Variants in PIK3C2G observed in about 807,000 individuals in gnomAD.
The protein encoded by PIK3C2G is phosphatidylinositol-4-phosphate 3-kinase catalytic subunit type 2 gamma.
In PIK3C2G, 168 loss-of-function variants were observed where a neutral mutation model predicts 181.1. The observed-to-expected ratio is 0.93, with a 90% CI of 0.82 to 1.05. The LOEUF (loss-of-function observed/expected upper bound fraction) is 1.05, where lower values mean the gene tolerates loss of function less well. PIK3C2G is among the 50% of genes least tolerant of loss of function. PIK3C2G has a pLI of 0.00. For missense variants in PIK3C2G, 1,869 were observed against 1,732.8 expected, an observed-to-expected ratio of 1.08 and a Z score of -1.40; for synonymous variants, 573 against 592.2, an observed-to-expected ratio of 0.97 and a Z score of 0.47.
chr12:18,480,234 G>A (rs773822805), intron 18 of PIK3C2G, among the ~76,000 whole-genome samples: 3 of 152,066 alleles, frequency 2.0e-5, no homozygotes, highest in Admixed American at 6.6e-5. Flanking sequence ...AAGCATATAC[G>A]GAGTGTAGTG....
chr12:18,677,084 G>T, the PIK3C2G span, among the ~76,000 whole-genome samples: 1 of 152,222 alleles, frequency 6.6e-6, no homozygotes, highest in African/African-American at 2.4e-5. Flanking sequence ...TACCAGGGAA[G>T]AAAGCTCTGT....
chr12:18,436,429 T>C (rs1000113056), intron 18 of PIK3C2G, among the ~76,000 whole-genome samples: 2 of 152,078 alleles, frequency 1.3e-5, no homozygotes, highest in South Asian at 2.1e-4. Context: ...CATCTTCCTC[T>C]AAGGTTTTTG....
At chr12:18,403,372 C>T (rs1020125094) in intron 16 of PIK3C2G, among the ~76,000 whole-genome samples, 1 of 152,158 alleles carries the variant, frequency 6.6e-6, no homozygotes, top group African/African-American at 2.4e-5. Flanking sequence ...TACTCATCCT[C>T]TGACTCCCAC....
At chr12:18,655,728 C>T in the PIK3C2G span, among the ~76,000 whole-genome samples, 1 of 139,438 alleles carries the variant, frequency 7.2e-6, no homozygotes, top group South Asian at 2.4e-4. Flanking sequence ...CTCCCAAAAA[C>T]TCACAGCCCC....
intron 18 of PIK3C2G, among the ~76,000 whole-genome samples, chr12:18,443,937 C>A (rs116421823): frequency 6.6e-6 from 1 of 152,150 alleles, no homozygotes; most frequent in Admixed American, 6.5e-5. Context: ...TCAACATTCC[C>A]AATTCATAAA....
At position 18,319,084 on chromosome 12, in the gene PIK3C2G, C is replaced by CAA. The variant is rs34473620; in HGVS notation, c.1138-1870_1138-1869dup. 1.2e-4 allele frequency among the ~76,000 whole-genome samples: 18 copies of CAA among 148,630 alleles called. No homozygotes were observed. In the East Asian group the frequency reaches 2.2e-3, roughly 18 times the overall value. ...TGAGCGACAGAGCAAGACTCTGTCT[C>CAA]AAAAAAAAATAAATAAATAATAAAA... On this transcript the variant is annotated intron_variant, in intron 6 of 32. Transcript: ENST00000538779.
chr12:18,353,827 T>C (rs989785055), intron 11 of PIK3C2G, among the ~76,000 whole-genome samples: 2 of 152,190 alleles, frequency 1.3e-5, no homozygotes, highest in Admixed American at 6.5e-5. Context: ...AGAAAGGCAG[T>C]GGGATTCTCA....
At position 18,444,395 on chromosome 12, in the gene PIK3C2G, C is replaced by T. The variant is rs756471131; in HGVS notation, c.2504+20356C>T. Among the ~76,000 whole-genome samples, 23 of 152,224 alleles carry T rather than the reference C, an allele frequency of 1.5e-4. No individual in the cohort carries two copies. The South Asian group carries it at 2.5e-3, about 16-fold the overall frequency. On this transcript the variant is annotated intron_variant, in intron 18 of 32. Coordinates refer to ENST00000538779, the MANE Select transcript of PIK3C2G (RefSeq NM_001288772.2). ...GTCTTACATGTATGTCTGCATCTTA[C>T]GAATTCTCACACTTAGCCTAATATA...
chr12:18,322,324 G>A (rs1951148985), intron 7 of PIK3C2G, among the ~76,000 whole-genome samples: 1 of 151,166 alleles, frequency 6.6e-6, no homozygotes, highest in Non-Finnish European at 1.5e-5. Context: ...GGAGGTTGCA[G>A]TAAGCTGAGA....
In PIK3C2G at chr12:18,292,210, C is replaced by CAAA. The variant is rs745371375; in HGVS notation, c.919+1214_919+1216dup. On this transcript the variant is annotated intron_variant, in intron 4 of 32. Transcript: ENST00000538779. ...GGGCAACAAGAGCAAAACTCCATCT[C>CAAA]AAAAAAAAAAAAAAAAAATATATAT... Among the ~76,000 whole-genome samples, 18 of 28,610 alleles carry CAAA rather than the reference C, an allele frequency of 6.3e-4. 1 individual carries two copies. Among genetic ancestry groups the CAAA allele is most frequent in the African/African-American group, 1.9e-3 (14 of 7,448 alleles). The allele number at this position is 28,610 out of a possible 152,430, so 18.8% of individuals were successfully genotyped here.
At chr12:18,294,114 T>C (rs1949833167) in intron 5 of PIK3C2G, 99 bp downstream of exon 5, 2 of 606,436 alleles carry the variant, frequency 3.3e-6, no homozygotes, top group Non-Finnish European at 5.9e-6. Context: ...ACAAACATTA[T>C]AGTCTTATAT....
intron 24 of PIK3C2G, among the ~76,000 whole-genome samples, chr12:18,533,941 CTTTTTTTTT>C (rs542327503): frequency 3.3e-5 from 3 of 91,482 alleles, no homozygotes; most frequent in East Asian, 4.2e-4. Context: ...CCTGCTATTT[CTTTTTTTTT>C]TTTTTTTTTT....
At chr12:18,497,072 T>C (rs1296909620) in intron 21 of PIK3C2G, among the ~76,000 whole-genome samples, 1 of 152,176 alleles carries the variant, frequency 6.6e-6, no homozygotes, top group African/African-American at 2.4e-5. Flanking sequence ...TCATTTCTTA[T>C]TATCAAAAAT....
At chr12:18,636,669 G>C (rs1319023325) in intron 31 of PIK3C2G, among the ~76,000 whole-genome samples, 1 of 152,132 alleles carries the variant, frequency 6.6e-6, no homozygotes, top group Non-Finnish European at 1.5e-5. Flanking sequence ...TTATCACTTG[G>C]TTAAGCTGAT....
At chr12:18,712,816 A>G in the PIK3C2G span, 11 of 1,609,870 alleles carry the variant, frequency 6.8e-6, no homozygotes, top group African/African-American at 9.4e-5. Flanking sequence ...TTAAATAGCT[A>G]CAGTTGAACA....
intron 8 of PIK3C2G, among the ~76,000 whole-genome samples, chr12:18,332,038 A>G (rs1938029032): frequency 6.6e-6 from 1 of 152,184 alleles, no homozygotes; most frequent in South Asian, 2.1e-4. Flanking sequence ...TAAATTAACT[A>G]ATATTTTGTT....
intron 18 of PIK3C2G, among the ~76,000 whole-genome samples, chr12:18,452,764 T>C (rs1375609757): frequency 6.6e-6 from 1 of 152,178 alleles, no homozygotes; most frequent in Non-Finnish European, 1.5e-5. Flanking sequence ...TGGTACATTG[T>C]GCCTTTTTCT....
At chr12:18,445,406 C>G (rs1946970126) in intron 18 of PIK3C2G, among the ~76,000 whole-genome samples, 1 of 145,298 alleles carries the variant, frequency 6.9e-6, no homozygotes. Context: ...TTTCACCTAT[C>G]AGATTGGCAA....
At chr12:18,436,198 T>C (rs1946439090) in intron 18 of PIK3C2G, among the ~76,000 whole-genome samples, 1 of 152,058 alleles carries the variant, frequency 6.6e-6, no homozygotes, top group South Asian at 2.1e-4. Context: ...ATTGACACAA[T>C]GGGTCTCACA....
Sources: allele counts gnomAD v4.1 joint callset (sites outside exome capture counted in the v4.1 genomes callset), GRCh38; gene constraint gnomAD v4.1.1; transcripts MANE v1.5; gene names NCBI Gene and HGNC (gene_info 2026-07-23, HGNC 2026-07-21).